Variants in GRM8 observed in about 807,000 individuals in gnomAD.
GRM8 encodes the protein glutamate metabotropic receptor 8, also known as metabotropic glutamate receptor 8.
A neutral mutation model predicts 87.2 loss-of-function variants in GRM8; 47 were observed. The ratio of observed to expected loss-of-function variants is 0.54; its 90% CI spans 0.43 to 0.69. The LOEUF is 0.69. Ranked by LOEUF, GRM8 falls within the 30% of genes least tolerant of loss-of-function variation. The pLI is 0.00. For synonymous variants in GRM8, 396 were observed against 404.5 expected, an observed-to-expected ratio of 0.98 and a Z score of 0.25; for missense variants, 1,019 against 1,139.2, an observed-to-expected ratio of 0.89 and a Z score of 1.52.
chr7:126,937,291 T>C (rs1806437011), intron 3 of GRM8, among the ~76,000 whole-genome samples: 1 of 152,052 alleles, frequency 6.6e-6, no homozygotes, highest in Non-Finnish European at 1.5e-5. Flanking sequence ...ATAAATAAGC[T>C]ACAAAGCCAA....
intron 9 of GRM8, among the ~76,000 whole-genome samples, chr7:126,456,431 G>C (rs1051060404): frequency 7.5e-5 from 11 of 147,342 alleles, no homozygotes; most frequent in African/African-American, 2.5e-4. Flanking sequence ...CACAATTCTA[G>C]GGTACTACAG....
intron 7 of GRM8, among the ~76,000 whole-genome samples, chr7:126,673,718 T>G (rs1201597822): frequency 6.6e-6 from 1 of 152,222 alleles, no homozygotes; most frequent in African/African-American, 2.4e-5. Flanking sequence ...GTTGTTATTT[T>G]GAGTGTTTTA....
intron 7 of GRM8, among the ~76,000 whole-genome samples, chr7:126,751,353 A>G (rs35204059): frequency 0.45 from 68,308 of 151,882 alleles, 15,864 homozygotes; most frequent in Non-Finnish European, 0.48. Context: ...CAATGGAGAG[A>G]ACAATTTAAA....
At chr7:126,601,562 T>C (rs1164984006) in intron 8 of GRM8, among the ~76,000 whole-genome samples, 3 of 150,504 alleles carry the variant, frequency 2.0e-5, no homozygotes, top group African/African-American at 7.3e-5. Context: ...TGTAAAAGTG[T>C]TCCTATTTCT....
intron 3 of GRM8, among the ~76,000 whole-genome samples, chr7:126,975,063 G>C (rs1454349947): frequency 2.7e-5 from 4 of 149,418 alleles, no homozygotes; most frequent in Non-Finnish European, 3.0e-5. Context: ...CCCATTCTTA[G>C]AACAAGAATA....
intron 3 of GRM8, among the ~76,000 whole-genome samples, chr7:127,088,971 G>A (rs531205814): frequency 6.6e-6 from 1 of 152,266 alleles, no homozygotes; most frequent in South Asian, 2.1e-4. Flanking sequence ...TGGAAGCGAA[G>A]CACATCCTTT....
intron 6 of GRM8, among the ~76,000 whole-genome samples, chr7:126,875,395 C>T (rs1243458611): frequency 6.6e-6 from 1 of 151,978 alleles, no homozygotes; most frequent in Admixed American, 6.6e-5. Flanking sequence ...GTTTGGGATA[C>T]CCACAGAAGG....
chr7:127,003,489 C>T (rs141992630), intron 3 of GRM8, among the ~76,000 whole-genome samples: 91 of 151,766 alleles, frequency 6.0e-4, no homozygotes, highest in African/African-American at 2.2e-3. Context: ...TCTATAAAAC[C>T]TCTTCCACAA....
At chr7:126,515,846 A>G (rs1273653443) in intron 9 of GRM8, among the ~76,000 whole-genome samples, 1 of 151,932 alleles carries the variant, frequency 6.6e-6, no homozygotes, top group Non-Finnish European at 1.5e-5. Context: ...TCCATCTATT[A>G]CTTTAATTCC....
intron 7 of GRM8, among the ~76,000 whole-genome samples, chr7:126,707,306 A>T (rs1448082720): frequency 6.6e-6 from 1 of 151,994 alleles, no homozygotes; most frequent in African/African-American, 2.4e-5. Flanking sequence ...ATTTTTTTTT[A>T]AATAAGGCTA....
intron 2 of GRM8, among the ~76,000 whole-genome samples, chr7:127,152,957 A>T (rs1393689972): frequency 6.6e-6 from 1 of 152,154 alleles, no homozygotes; most frequent in African/African-American, 2.4e-5. Flanking sequence ...TCTTATTTGC[A>T]TGAATCACAA....
At chr7:126,547,114 G>A (rs1452900255) in intron 8 of GRM8, among the ~76,000 whole-genome samples, 1 of 152,124 alleles carries the variant, frequency 6.6e-6, no homozygotes, top group Non-Finnish European at 1.5e-5. Flanking sequence ...AGATCAAAAT[G>A]TTATGATATT....
rs537939096 is a variant in GRM8, at chr7:126,734,699, A to G, written c.1357+35166T>C. ...GACATCATGAAAAAGCTACAAGAAA[A>G]TACGTATTTTTAAAAGTCCTGAAAG... On this transcript the variant is annotated intron_variant, in intron 7 of 10. Coordinates refer to ENST00000339582, the MANE Select transcript of GRM8 (RefSeq NM_000845.3). 2.0e-5 allele frequency among the ~76,000 whole-genome samples: 3 copies of G among 152,074 alleles called. No individual in the cohort carries two copies. In the East Asian group the frequency reaches 5.8e-4, roughly 29 times the overall value.
Position 126,446,212 on chromosome 7 carries a change from G to T in GRM8, c.2591C>A (p.Thr864Asn), listed in dbSNP as rs1375296188. Reference protein sequence around the residue: ...RSFKAVVTAATMQSKLIQKGN... With the variant: ...RSFKAVVTAANMQSKLIQKGN... ...TTTTTGGATCAGTTTGCTTTGCATGGTGGCAGCTGTCACCACAGCCTTGAA... is the reference window on the plus strand; with the variant it reads ...TTTTTGGATCAGTTTGCTTTGCATGTTGGCAGCTGTCACCACAGCCTTGAA... The change falls in exon 10 of 11, where the codon ACC becomes AAC. Residue 864 changes from threonine (T) to asparagine (N), a missense_variant. Coordinates refer to ENST00000339582, the MANE Select transcript of GRM8 (RefSeq NM_000845.3). 1 of 1,613,006 alleles carries T rather than the reference G, an allele frequency of 6.2e-7. No individual in the cohort carries two copies. The highest frequency in any genetic ancestry group is 8.5e-7 in the Non-Finnish European group (1 of 1,179,368).
chr7:127,195,409 T>C (rs1193575158), intron 2 of GRM8, among the ~76,000 whole-genome samples: 1 of 152,132 alleles, frequency 6.6e-6, no homozygotes, highest in Non-Finnish European at 1.5e-5. Flanking sequence ...AACTAATCAT[T>C]AAGTTAAAAA....
intron 2 of GRM8, among the ~76,000 whole-genome samples, chr7:127,111,349 G>A (rs1237441806): frequency 1.3e-5 from 2 of 152,140 alleles, no homozygotes; most frequent in Non-Finnish European, 1.5e-5. Context: ...ATTAATAGGA[G>A]TTAGCAGAGA....
intron 9 of GRM8, among the ~76,000 whole-genome samples, chr7:126,481,336 C>T (rs1488636805): frequency 6.6e-6 from 1 of 151,854 alleles, no homozygotes; most frequent in African/African-American, 2.4e-5. Flanking sequence ...TGTACAGTTA[C>T]AAAAATCTCC....
At chr7:127,113,795 A>G (rs1238469668) in intron 2 of GRM8, among the ~76,000 whole-genome samples, 1 of 152,196 alleles carries the variant, frequency 6.6e-6, no homozygotes, top group Admixed American at 6.5e-5. Context: ...ATAGCCATTA[A>G]CTTTGTCTTT....
intron 9 of GRM8, among the ~76,000 whole-genome samples, chr7:126,456,813 T>C (rs1803298367): frequency 6.6e-6 from 1 of 151,420 alleles, no homozygotes; most frequent in African/African-American, 2.4e-5. Context: ...TAGAAGGAAA[T>C]AACAATATAT....
Sources: gnomAD v4.1 joint callset for allele counts (sites outside exome capture counted in the v4.1 genomes callset) on GRCh38, gnomAD v4.1.1 for gene constraint, MANE v1.5 for transcripts, NCBI Gene and HGNC (gene_info 2026-07-23, HGNC 2026-07-21) for gene names.